SIL1: variants seen among roughly 807,000 people sequenced by gnomAD.
The protein encoded by SIL1 is SIL1 nucleotide exchange factor.
SIL1 carries 40 observed loss-of-function variants against 49.1 expected under a neutral mutation model. That is an observed-to-expected ratio of 0.81 (90% CI 0.63 to 1.06). The LOEUF (loss-of-function observed/expected upper bound fraction) is 1.06. Among genes scored for constraint, SIL1 ranks in the 50% least tolerant of loss-of-function variants. The pLI is 0.00. For missense variants in SIL1, 500 were observed against 572.6 expected, an observed-to-expected ratio of 0.87 and a Z score of 1.29; for synonymous variants, 253 against 250.8, an observed-to-expected ratio of 1.01 and a Z score of -0.08.
chr5:139,153,355 A>G (rs1751346011), intron 1 of SIL1, among the ~76,000 whole-genome samples: 1 of 152,186 alleles, frequency 6.6e-6, no homozygotes, highest in Non-Finnish European at 1.5e-5. Context: ...TTCTCTGATC[A>G]TAGCATTATT....
At chr5:139,042,196 AG>A (rs1472365792) in intron 5 of SIL1, among the ~76,000 whole-genome samples, 1 of 152,246 alleles carries the variant, frequency 6.6e-6, no homozygotes, top group African/African-American at 2.4e-5. Flanking sequence ...GACAAGGACA[AG>A]GATTCCGGCT....
intron 3 of SIL1, among the ~76,000 whole-genome samples, chr5:139,100,740 AG>A (rs560625964): frequency 6.8e-4 from 104 of 152,290 alleles, no homozygotes; most frequent in African/African-American, 2.4e-3. Flanking sequence ...AGAGAAAGAA[AG>A]GGGTCGAGAA....
At chr5:139,021,729 G>A (rs1266163023) in intron 6 of SIL1, 2 of 256,776 alleles carry the variant, frequency 7.8e-6, no homozygotes, top group Non-Finnish European at 1.5e-5. Flanking sequence ...TTTTAAATTA[G>A]AAGCTAGGGA....
chr5:138,981,868 G>A (rs1767534606), intron 7 of SIL1, among the ~76,000 whole-genome samples: 1 of 151,632 alleles, frequency 6.6e-6, no homozygotes. Flanking sequence ...ATCACCACTT[G>A]GCACCACACT....
chr5:139,079,183 G>C (rs1770018031), intron 3 of SIL1, among the ~76,000 whole-genome samples: 1 of 152,176 alleles, frequency 6.6e-6, no homozygotes, highest in East Asian at 1.9e-4. Flanking sequence ...GGCTTTGAGA[G>C]GCATGGTGGG....
At chr5:139,102,386 G>A (rs1471784385) in intron 3 of SIL1, among the ~76,000 whole-genome samples, 1 of 151,960 alleles carries the variant, frequency 6.6e-6, no homozygotes, top group African/African-American at 2.4e-5. Context: ...TGCACAGTGG[G>A]ATTTGGGTGA....
intron 7 of SIL1, among the ~76,000 whole-genome samples, chr5:138,969,926 T>C (rs1408665986): frequency 1.5e-4 from 23 of 152,116 alleles, no homozygotes; most frequent in South Asian, 6.2e-4. Flanking sequence ...GCACAATAAA[T>C]TTAGCACCAG....
chr5:139,188,648 C>A (rs537397560), intron 1 of SIL1, among the ~76,000 whole-genome samples: 2 of 152,342 alleles, frequency 1.3e-5, no homozygotes, highest in African/African-American at 4.8e-5. Context: ...GCCTCCGTGA[C>A]TTTGCACAAG....
intron 3 of SIL1, among the ~76,000 whole-genome samples, chr5:139,069,274 C>T (rs1463165779): frequency 6.6e-6 from 1 of 151,256 alleles, no homozygotes; most frequent in Non-Finnish European, 1.5e-5. Context: ...GGTAACAGAG[C>T]GAGATTCTGC....
chr5:139,139,935 C>T (rs538078959), intron 1 of SIL1, among the ~76,000 whole-genome samples: 83 of 152,238 alleles, frequency 5.5e-4, no homozygotes, highest in African/African-American at 2.0e-3. Flanking sequence ...TCAAGACCAG[C>T]CTGGCCAACA....
chr5:139,158,671 A>G (rs1751449014), intron 1 of SIL1, among the ~76,000 whole-genome samples: 1 of 152,242 alleles, frequency 6.6e-6, no homozygotes, highest in Admixed American at 6.5e-5. Flanking sequence ...ATGTAAAAAG[A>G]TAAGGAGTAA....
chr5:139,131,755 T>C, intron 1 of SIL1: 1 of 152,238 alleles, frequency 6.6e-6, no homozygotes. Flanking sequence ...CATCCCTGGG[T>C]GTGAGCAGGA....
chr5:139,060,729 C>G (rs149353585), intron 3 of SIL1, among the ~76,000 whole-genome samples: 125 of 152,248 alleles, frequency 8.2e-4, no homozygotes, highest in African/African-American at 2.7e-3. Flanking sequence ...AATCCTTGAA[C>G]AGCAATTAGT....
At chr5:138,949,858 G>A (rs1382054336) in intron 9 of SIL1, among the ~76,000 whole-genome samples, 1 of 150,002 alleles carries the variant, frequency 6.7e-6, no homozygotes, top group Non-Finnish European at 1.5e-5. Flanking sequence ...GAAATCACAA[G>A]AACAGAGAAG....
intron 3 of SIL1, among the ~76,000 whole-genome samples, chr5:139,070,336 C>G (rs143696876): frequency 0.012 from 1,793 of 151,786 alleles, 35 homozygotes; most frequent in African/African-American, 0.041. Context: ...GATGTAATAT[C>G]GAAGAGATTA....
chr5:139,093,625 C>A (rs766730735), intron 3 of SIL1, among the ~76,000 whole-genome samples: 1 of 152,290 alleles, frequency 6.6e-6, no homozygotes, highest in East Asian at 1.9e-4. Flanking sequence ...ACTTTTAAAT[C>A]CTTTCAACTC....
intron 1 of SIL1, among the ~76,000 whole-genome samples, chr5:139,150,109 TAGA>T (rs1227439924): frequency 1.3e-5 from 2 of 152,200 alleles, no homozygotes; most frequent in African/African-American, 4.8e-5. Flanking sequence ...CTTCACTTAA[TAGA>T]AGGAGCCAGT....
At chr5:139,105,795 G>T (rs1385251574) in intron 3 of SIL1, among the ~76,000 whole-genome samples, 1 of 152,230 alleles carries the variant, frequency 6.6e-6, no homozygotes, top group Middle Eastern at 3.2e-3. Flanking sequence ...AAGGGGTGGA[G>T]AGCACCAGCA....
At chr5:139,106,917 G>A (rs1314234349) in intron 3 of SIL1, among the ~76,000 whole-genome samples, 6 of 152,230 alleles carry the variant, frequency 3.9e-5, no homozygotes, top group Admixed American at 1.3e-4. Flanking sequence ...AACAATGAGC[G>A]TAGGGGTAGG....
Sources: allele counts gnomAD v4.1 joint callset (sites outside exome capture counted in the v4.1 genomes callset), GRCh38; gene constraint gnomAD v4.1.1; transcripts MANE v1.5; gene names NCBI Gene and HGNC (gene_info 2026-07-23, HGNC 2026-07-21).